The following CALCOCO2 variants were observed in gnomAD, a reference collection of about 807,000 sequenced individuals.
CALCOCO2 encodes the protein calcium binding and coiled-coil domain 2, also known as calcium-binding and coiled-coil domain-containing protein 2.
CALCOCO2 carries 42 observed loss-of-function variants against 62.5 expected under a neutral mutation model. The ratio of observed to expected loss-of-function variants is 0.67; its 90% CI spans 0.53 to 0.87. CALCOCO2 has a LOEUF of 0.87. Ranked by LOEUF, CALCOCO2 falls within the 40% of genes least tolerant of loss-of-function variation. CALCOCO2 has a pLI of 0.00. For missense variants in CALCOCO2, 456 were observed against 515.0 expected (o/e 0.89, Z 1.11); for synonymous variants, 167 against 173.0 (o/e 0.97, Z 0.27).
At chr17:48,845,184 A>T (rs2040030790) in intron 2 of CALCOCO2, among the ~76,000 whole-genome samples, 1 of 152,060 alleles carries the variant, frequency 6.6e-6, no homozygotes, top group Admixed American at 6.6e-5. Flanking sequence ...AATGCTTCAT[A>T]CATTTCAGAG....
intron 7 of CALCOCO2, among the ~76,000 whole-genome samples, chr17:48,852,012 C>G (rs1351867401): frequency 1.3e-5 from 2 of 151,912 alleles, no homozygotes; most frequent in African/African-American, 4.8e-5. Flanking sequence ...TACAGGCGCA[C>G]GTGTAATTCC....
chr17:48,848,304 A>C lies in CALCOCO2; in HGVS notation c.284-18A>C, dbSNP rs771194191. 6 of 1,609,358 alleles carry C rather than the reference A, an allele frequency of 3.7e-6. No homozygotes were observed. The Admixed American group carries it at 6.7e-5, about 18-fold the overall frequency. Reference sequence around the variant, plus strand: ...GAATAGATCTTATTTTGGATGAAAAATTATGTTGTGTTTTCAGCTTACTAC... The same window carrying C: ...GAATAGATCTTATTTTGGATGAAAACTTATGTTGTGTTTTCAGCTTACTAC... On this transcript the variant is annotated intron_variant, in intron 3 of 12. Coordinates refer to ENST00000258947, the MANE Select transcript of CALCOCO2 (RefSeq NM_005831.5).
chr17:48,833,385 T>C lies in CALCOCO2; in HGVS notation c.-11+2307T>C, dbSNP rs552344742. Among the ~76,000 whole-genome samples, 169 of 151,966 alleles carry C rather than the reference T, an allele frequency of 1.1e-3. 1 individual carries two copies. Among genetic ancestry groups the C allele is most frequent in the African/African-American group, 3.9e-3 (161 of 41,450 alleles). On this transcript the variant is annotated intron_variant, in intron 1 of 12. Coordinates refer to ENST00000258947, the MANE Select transcript of CALCOCO2 (RefSeq NM_005831.5). ...ACTTGGCCAACATAGTGAAACCCCGTCTCTACTAAAAATACAAAAATTAAC... is the reference window on the plus strand; with the variant it reads ...ACTTGGCCAACATAGTGAAACCCCGCCTCTACTAAAAATACAAAAATTAAC...
chr17:48,845,324 T>TGG (rs1209674432), intron 2 of CALCOCO2, among the ~76,000 whole-genome samples: 2 of 116,906 alleles, frequency 1.7e-5, no homozygotes, highest in Non-Finnish European at 3.3e-5. Context: ...GTTGAGGGTG[T>TGG]GTGTGTGTGT....
chr17:48,834,668 A>G (rs1598021151), intron 1 of CALCOCO2, among the ~76,000 whole-genome samples: 1 of 152,274 alleles, frequency 6.6e-6, no homozygotes, highest in East Asian at 1.9e-4. Context: ...ACCTCTATGA[A>G]TTGCTGCCAA....
intron 11 of CALCOCO2, among the ~76,000 whole-genome samples, chr17:48,861,661 GTA>G (rs59973644): frequency 4.4e-5 from 6 of 135,158 alleles, no homozygotes; most frequent in African/African-American, 1.8e-4. Context: ...ATGTGTGTGT[GTA>G]TATATATATA....
At chr17:48,841,512 A>T in intron 1 of CALCOCO2, 186 bp from the exon 2 acceptor site, 2 of 473,658 alleles carry the variant, frequency 4.2e-6, no homozygotes, top group South Asian at 7.2e-5. Flanking sequence ...TTCTCGTAGC[A>T]TAGGAAGTTG....
rs1278977679 is a variant in CALCOCO2, at chr17:48,863,280, T to C, written c.*275T>C. ...TCTGAGGGTCTCAGTACAAGGGCCC[T>C]GGGATGGAGCCAACCTGGGTATTCA... is the stretch of plus-strand genomic sequence containing the variant. On this transcript the variant is annotated 3_prime_UTR_variant, in exon 13 of 13. Coordinates refer to ENST00000258947, the MANE Select transcript of CALCOCO2 (RefSeq NM_005831.5). The C allele has an allele frequency of 5.1e-6, 2 of 390,624 alleles. No homozygotes were observed. Among genetic ancestry groups the C allele is most frequent in the East Asian group, 5.8e-5 (1 of 17,378 alleles). The allele number at this position is 390,624 out of a possible 1,614,324, so 24.2% of individuals were successfully genotyped here. A position where few individuals can be genotyped will look rare whatever the true frequency, so the allele number is the denominator to read the frequency against.
At position 48,844,179 on chromosome 17, in the gene CALCOCO2, G is replaced by A. The variant is rs199959210; in HGVS notation, c.180+2292G>A. Reference sequence around the variant, plus strand: ...ATTACAGGTGTGAGCCACCGCACCCGGCCTGAGTAACTGGATTTTAAATTT... The same window carrying A: ...ATTACAGGTGTGAGCCACCGCACCCAGCCTGAGTAACTGGATTTTAAATTT... On this transcript the variant is annotated intron_variant, in intron 2 of 12. Coordinates refer to ENST00000258947, the MANE Select transcript of CALCOCO2 (RefSeq NM_005831.5). Among the ~76,000 whole-genome samples the A allele has an allele frequency of 1.6e-4, 25 of 152,228 alleles. No homozygotes were observed. In the East Asian group the frequency reaches 4.6e-3, roughly 28 times the overall value.
In CALCOCO2 at chr17:48,852,977, G is replaced by T; in HGVS notation, c.877G>T (p.Glu293Ter). 1 of 1,613,606 alleles carries T rather than the reference G, an allele frequency of 6.2e-7. No individual in the cohort carries two copies. Among genetic ancestry groups the T allele is most frequent in the Non-Finnish European group, 8.5e-7 (1 of 1,179,532 alleles). Residue 293 changes from glutamate (E) to a stop codon, truncating the protein, a stop_gained, in exon 9 of 13, where the codon GAA becomes TAA. Transcript: ENST00000258947. LOFTEE classifies it high-confidence loss of function. Reference protein sequence around the residue: ...EQTVEQMKQNETTAMKKQQEL... With the variant: ...EQTVEQMKQN ...GACAGTGGAGCAAATGAAGCAGAAT[G>T]AAACTACTGCAATGAAGAAACAACA...
At chr17:48,856,639 GCATTCATTCATT>G (rs72437948) in intron 10 of CALCOCO2, 178 of 447,612 alleles carry the variant, frequency 4.0e-4, no homozygotes, top group African/African-American at 3.0e-3. Flanking sequence ...TAAATGCTGT[GCATTCATTCATT>G]CATTCATTCA....
chr17:48,850,396 G>T (rs1432009962), intron 5 of CALCOCO2, among the ~76,000 whole-genome samples: 2 of 152,166 alleles, frequency 1.3e-5, no homozygotes, highest in Non-Finnish European at 1.5e-5. Flanking sequence ...GGCAGAGATT[G>T]CAGTGAGCCA....
intron 1 of CALCOCO2, among the ~76,000 whole-genome samples, chr17:48,832,787 T>A (rs2143555099): frequency 6.6e-6 from 1 of 152,200 alleles, no homozygotes; most frequent in East Asian, 1.9e-4. Flanking sequence ...AAATGGAGAT[T>A]AGTACACAGC....
chr17:48,862,383 T>C (rs372868111), intron 12 of CALCOCO2, 79 bp downstream of exon 12: 54 of 966,534 alleles, frequency 5.6e-5, no homozygotes, highest in Admixed American at 3.8e-4. Context: ...GGGAGAACCA[T>C]AGGGAGACAG....
chr17:48,855,674 C>CA (rs2040204506), intron 9 of CALCOCO2: 1 of 152,452 alleles, frequency 6.6e-6, no homozygotes, highest in Admixed American at 6.5e-5. Context: ...AGGAAGGAAT[C>CA]ACACTAACCC....
At chr17:48,845,909 GT>G (rs1224863341) in intron 2 of CALCOCO2, 6 of 436,412 alleles carry the variant, frequency 1.4e-5, no homozygotes, top group Non-Finnish European at 2.0e-5. Flanking sequence ...CAAACCTCTG[GT>G]TTTTCCTCCT....
At chr17:48,852,323 C>G (rs1031919755) in intron 7 of CALCOCO2, 183 bp from the exon 8 acceptor site, 76 of 557,346 alleles carry the variant, frequency 1.4e-4, no homozygotes, top group African/African-American at 1.2e-3. Context: ...CAGAACTGCT[C>G]TCATTTTTAG....
intron 11 of CALCOCO2, among the ~76,000 whole-genome samples, chr17:48,861,551 A>G (rs2143684070): frequency 6.6e-6 from 1 of 151,302 alleles, no homozygotes. Context: ...TAGTCATTAA[A>G]TTGTTACTGT....
intron 10 of CALCOCO2, among the ~76,000 whole-genome samples, chr17:48,857,355 G>A (rs1005387701): frequency 2.3e-4 from 35 of 151,584 alleles, no homozygotes; most frequent in African/African-American, 8.0e-4. Flanking sequence ...TTGCCACCAC[G>A]CCTGGCTAGT....
Sources: allele counts gnomAD v4.1 joint callset (sites outside exome capture counted in the v4.1 genomes callset), GRCh38; gene constraint gnomAD v4.1.1; transcripts MANE v1.5; gene names NCBI Gene and HGNC (gene_info 2026-07-23, HGNC 2026-07-21).